Variants in CEP85L observed in about 807,000 individuals in gnomAD.
CEP85L encodes centrosomal protein 85L, also known as centrosomal protein of 85 kDa-like.
CEP85L carries 60 observed loss-of-function variants against 100.3 expected under a neutral mutation model. The observed-to-expected ratio is 0.60, with a 90% confidence interval of 0.49 to 0.74. CEP85L has a LOEUF of 0.74. Among genes scored for constraint, CEP85L ranks in the 30% least tolerant of loss-of-function variants. The pLI is 0.00. For missense variants in CEP85L, 973 were observed against 936.2 expected, an observed-to-expected ratio of 1.04 and a Z score of -0.51; for synonymous variants, 319 against 322.7, an observed-to-expected ratio of 0.99 and a Z score of 0.12.
intron 2 of CEP85L, among the ~76,000 whole-genome samples, chr6:118,606,093 T>C (rs1354854787): frequency 6.6e-6 from 1 of 151,978 alleles, no homozygotes; most frequent in African/African-American, 2.4e-5. Flanking sequence ...AAAAACCTTT[T>C]TCCATAAAAA....
intron 5 of CEP85L, among the ~76,000 whole-genome samples, chr6:118,499,335 C>T (rs573566918): frequency 2.6e-5 from 4 of 152,278 alleles, no homozygotes; most frequent in South Asian, 2.1e-4. Context: ...GTCAAATCCA[C>T]GAAATGCACT....
intron 2 of CEP85L, among the ~76,000 whole-genome samples, chr6:118,569,178 C>A (rs1458613834): frequency 6.6e-6 from 1 of 151,436 alleles, no homozygotes; most frequent in Non-Finnish European, 1.5e-5. Context: ...TCCATCTCTA[C>A]TAAAAATACA....
chr6:118,489,463 G>A (rs763242397), intron 6 of CEP85L, among the ~76,000 whole-genome samples: 2 of 152,118 alleles, frequency 1.3e-5, no homozygotes, highest in Non-Finnish European at 2.9e-5. Context: ...GAAAGGGATT[G>A]GCTCCAGGAC....
intron 1 of CEP85L, among the ~76,000 whole-genome samples, chr6:118,668,987 G>A (rs575175447): frequency 6.6e-6 from 1 of 152,296 alleles, no homozygotes; most frequent in Admixed American, 6.5e-5. Flanking sequence ...ATTTGCAGAA[G>A]TAAACAAACT....
chr6:118,558,650 C>CAGAGAGAGAGAGAGAGAG (rs1433315078), intron 3 of CEP85L, among the ~76,000 whole-genome samples: 3 of 136,654 alleles, frequency 2.2e-5, no homozygotes, highest in African/African-American at 9.8e-5. Context: ...CACACACACA[C>CAGAGAGAGAGAGAGAGAG]ACACACACAC....
intron 3 of CEP85L, among the ~76,000 whole-genome samples, chr6:118,535,785 A>G (rs900144465): frequency 1.3e-5 from 2 of 152,180 alleles, no homozygotes; most frequent in Non-Finnish European, 2.9e-5. Context: ...GTGCAAGAGT[A>G]GTGATGCTCT....
intron 2 of CEP85L, among the ~76,000 whole-genome samples, chr6:118,588,726 T>G (rs548658321): frequency 7.2e-5 from 11 of 152,316 alleles, no homozygotes; most frequent in Admixed American, 2.0e-4. Flanking sequence ...CTTGTATAAC[T>G]CAGTACTATA....
chr6:118,573,574 T>C (rs1357938828), intron 2 of CEP85L, among the ~76,000 whole-genome samples: 4 of 152,180 alleles, frequency 2.6e-5, no homozygotes, highest in Non-Finnish European at 5.9e-5. Context: ...AGTAAAAATA[T>C]ATATACTTAG....
chr6:118,603,400 A>G (rs193084600), intron 2 of CEP85L, among the ~76,000 whole-genome samples: 61 of 152,348 alleles, frequency 4.0e-4, no homozygotes, highest in Non-Finnish European at 6.9e-4. Flanking sequence ...AGCCTTGGTA[A>G]AATAACCAAT....
chr6:118,468,943 C>T (rs909973455), intron 12 of CEP85L, 129 bp downstream of exon 12: 1 of 659,720 alleles, frequency 1.5e-6, no homozygotes, highest in African/African-American at 1.8e-5. Flanking sequence ...TATACATAAA[C>T]CCACAGACTG....
At chr6:118,551,976 T>G (rs1778576192) in intron 3 of CEP85L, among the ~76,000 whole-genome samples, 3 of 152,058 alleles carry the variant, frequency 2.0e-5, no homozygotes, top group African/African-American at 7.2e-5. Context: ...GCACATTCAC[T>G]TATGGCTTAT....
chr6:118,552,605 T>C (rs1311342387), intron 3 of CEP85L, among the ~76,000 whole-genome samples: 1 of 152,032 alleles, frequency 6.6e-6, no homozygotes, highest in African/African-American at 2.4e-5. Context: ...CCTAATGGCT[T>C]TTCTATTTCC....
intron 1 of CEP85L, among the ~76,000 whole-genome samples, chr6:118,698,501 A>G (rs1030561091): frequency 6.6e-6 from 1 of 151,876 alleles, no homozygotes; most frequent in African/African-American, 2.4e-5. Context: ...GGTAAAGTCA[A>G]ACTACTTCTG....
At chr6:118,488,866 G>T (rs558003017) in intron 6 of CEP85L, among the ~76,000 whole-genome samples, 1 of 152,334 alleles carries the variant, frequency 6.6e-6, no homozygotes, top group African/African-American at 2.4e-5. Context: ...AGATTTCTCA[G>T]AAGAAATTTT....
chr6:118,654,805 G>A (rs1775733589), upstream of CEP85L, among the ~76,000 whole-genome samples: 1 of 152,152 alleles, frequency 6.6e-6, no homozygotes, highest in Non-Finnish European at 1.5e-5. Flanking sequence ...GTTTAAACAT[G>A]TTAATCTTTG....
At position 118,481,123 on chromosome 6, in the gene CEP85L, C is replaced by T. The variant is rs150554486; in HGVS notation, c.1746-610G>A. On this transcript the variant is annotated intron_variant, in intron 8 of 12. Transcript: ENST00000368491. ...GAAGATACATGGCAAAACTGCTGTA[C>T]CTTTTACTTGCAGTAAAGTTAGAAA... 3.8e-3 allele frequency among the ~76,000 whole-genome samples: 580 copies of T among 151,964 alleles called. 3 individuals carry two copies. The highest frequency in any genetic ancestry group is 0.013 in the African/African-American group (554 of 41,454).
chr6:118,544,259 T>C (rs1778072160), intron 3 of CEP85L, among the ~76,000 whole-genome samples: 1 of 152,146 alleles, frequency 6.6e-6, no homozygotes, highest in Admixed American at 6.5e-5. Flanking sequence ...TAAGGGTTGG[T>C]TTTTGTTGTT....
intron 2 of CEP85L, among the ~76,000 whole-genome samples, chr6:118,616,646 TAAA>T (rs778624803): frequency 1.6e-5 from 2 of 127,776 alleles, no homozygotes; most frequent in African/African-American, 2.9e-5. Flanking sequence ...ACCCTGTCTT[TAAA>T]AAAAAAAAAA....
chr6:118,481,401 T>G (rs1157434326), intron 8 of CEP85L, among the ~76,000 whole-genome samples: 1 of 152,134 alleles, frequency 6.6e-6, no homozygotes, highest in Admixed American at 6.6e-5. Context: ...CCTGTTTCAA[T>G]GAAATTATGC....
Sources: allele counts gnomAD v4.1 joint callset (sites outside exome capture counted in the v4.1 genomes callset), GRCh38; gene constraint gnomAD v4.1.1; transcripts MANE v1.5; gene names NCBI Gene and HGNC (gene_info 2026-07-23, HGNC 2026-07-21).